The following ARHGAP31 variants were observed in gnomAD, a reference collection of about 807,000 sequenced individuals.
ARHGAP31 encodes rho GTPase-activating protein 31.
Under a neutral mutation model 113.9 loss-of-function variants are expected in ARHGAP31, and 34 were observed. The observed-to-expected ratio is 0.30, with a 90% CI of 0.23 to 0.40. The LOEUF (loss-of-function observed/expected upper bound fraction) is 0.40. Among genes scored for constraint, ARHGAP31 ranks in the 10% least tolerant of loss-of-function variants. The pLI, the probability that ARHGAP31 is intolerant of heterozygous loss-of-function variation, is 1.00. For missense variants in ARHGAP31, 1,548 were observed against 1,767.1 expected, an observed-to-expected ratio of 0.88 and a Z score of 2.22; for synonymous variants, 650 against 684.8, an observed-to-expected ratio of 0.95 and a Z score of 0.79.
intron 2 of ARHGAP31, among the ~76,000 whole-genome samples, chr3:119,366,395 G>A (rs1220673711): frequency 1.3e-5 from 2 of 151,238 alleles, no homozygotes; most frequent in African/African-American, 4.9e-5. Flanking sequence ...GATTTGGATT[G>A]TAATTAAATT....
intron 1 of ARHGAP31, among the ~76,000 whole-genome samples, chr3:119,332,208 G>GTT (rs199879826): frequency 1.3e-5 from 2 of 150,790 alleles, no homozygotes; most frequent in African/African-American, 4.9e-5. Flanking sequence ...CTTGTTTTTT[G>GTT]TTTTTTTTGA....
chr3:119,328,713 T>C (rs1350456182), intron 1 of ARHGAP31, among the ~76,000 whole-genome samples: 1 of 152,122 alleles, frequency 6.6e-6, no homozygotes, highest in Non-Finnish European at 1.5e-5. Flanking sequence ...CGATCTTGGC[T>C]CACTGCAACC....
At chr3:119,398,756 T>C (rs2080574004) in intron 8 of ARHGAP31, among the ~76,000 whole-genome samples, 1 of 152,202 alleles carries the variant, frequency 6.6e-6, no homozygotes, top group South Asian at 2.1e-4. Context: ...CCAATTCCCT[T>C]GGGCCCTCTC....
chr3:119,381,389 A>G (rs936766359), intron 4 of ARHGAP31, among the ~76,000 whole-genome samples: 1 of 152,250 alleles, frequency 6.6e-6, no homozygotes, highest in South Asian at 2.1e-4. Context: ...GCTCATTAGT[A>G]CCATCCCTAC....
chr3:119,401,897 C>T lies in ARHGAP31; in HGVS notation c.1145C>T (p.Ser382Phe), dbSNP rs370215363. ...GFFIPATKMH[S>F]TGTGSSCDLT... is the part of the protein sequence containing the mutation. ...TTCATTCCAGCAACAAAGATGCACTCCACCGGCACCGGCAGCTCATGTGAC... is the reference window on the plus strand; with the variant it reads ...TTCATTCCAGCAACAAAGATGCACTTCACCGGCACCGGCAGCTCATGTGAC... Residue 382 changes from serine (S) to phenylalanine (F), a missense_variant, in exon 10 of 12, where the codon TCC becomes TTC. By Grantham distance (155) the Ser-to-Phe change is radical (BLOSUM62 -2). Coordinates refer to ENST00000264245, the MANE Select transcript of ARHGAP31 (RefSeq NM_020754.4). The T allele has an allele frequency of 1.0e-4, 169 of 1,614,128 alleles. 1 individual carries two copies. In the Admixed American group the frequency reaches 1.9e-3, roughly 18 times the overall value.
In ARHGAP31 at chr3:119,409,681, G is replaced by A. The variant is rs763292963; in HGVS notation, c.1831G>A (p.Val611Met). The change falls in exon 11 of 12, where the codon GTG becomes ATG. Residue 611 changes from valine to methionine, a missense_variant. Coordinates refer to ENST00000264245, the MANE Select transcript of ARHGAP31 (RefSeq NM_020754.4). The part of the protein sequence containing the change: ...ELEKRPNPEK[V>M]VEEGREAGEM... ...AGAGAAGAGGCCAAATCCGGAGAAG[G>A]TGGTGGAGGAGGGACGAGAGGCTGG... 1 of 1,611,796 alleles carries A rather than the reference G, an allele frequency of 6.2e-7. No individual in the cohort carries two copies. Among genetic ancestry groups the A allele is most frequent in the Non-Finnish European group, 8.5e-7 (1 of 1,178,914 alleles).
At chr3:119,411,283 A>T (rs2080714419) in intron 11 of ARHGAP31, among the ~76,000 whole-genome samples, 1 of 152,150 alleles carries the variant, frequency 6.6e-6, no homozygotes. Context: ...TGGCTTGAAG[A>T]AAGGAGGCAC....
In ARHGAP31 at chr3:119,416,187, A is replaced by C; in HGVS notation, c.4258A>C (p.Thr1420Pro). The C allele has an allele frequency of 1.9e-6, 3 of 1,614,166 alleles. No homozygotes were observed. The highest frequency in any genetic ancestry group is 2.5e-6 in the Non-Finnish European group (3 of 1,180,032). ...TIPKNGQRLE[T>P]STSCFYQPQR... ...CCCTAAGAATGGCCAGAGACTAGAG[A>C]CCTCAACCAGCTGTTTTTACCAGCC... The change falls in exon 12 of 12, where the codon ACC (threonine) becomes CCC (proline). Residue 1420 changes from threonine to proline, a missense_variant. Transcript: ENST00000264245.
chr3:119,405,141 C>A (rs1439428716), intron 10 of ARHGAP31, among the ~76,000 whole-genome samples: 1 of 152,114 alleles, frequency 6.6e-6, no homozygotes, highest in East Asian at 1.9e-4. Context: ...TATTTTAGTG[C>A]ATCTGAAATA....
In ARHGAP31 at chr3:119,303,036, C is replaced by T. The variant is rs6769740; in HGVS notation, c.100+8032C>T. 9.5e-3 allele frequency among the ~76,000 whole-genome samples: 1,451 copies of T among 152,350 alleles called. 16 individuals are homozygous for T. Among genetic ancestry groups the T allele is most frequent in the Non-Finnish European group, 0.014 (961 of 68,032 alleles). ...TCTTCTTCACCTCTTGGAATACCCACTGCCTTAGGGTCAGGTGTACCCAAT... is the reference window on the plus strand; with the variant it reads ...TCTTCTTCACCTCTTGGAATACCCATTGCCTTAGGGTCAGGTGTACCCAAT... On this transcript the variant is annotated intron_variant, in intron 1 of 11. Transcript: ENST00000264245.
At chr3:119,372,223 C>G (rs1341590318) in intron 3 of ARHGAP31, among the ~76,000 whole-genome samples, 1 of 151,590 alleles carries the variant, frequency 6.6e-6, no homozygotes, top group Non-Finnish European at 1.5e-5. Flanking sequence ...ACACTCCCAA[C>G]AGTGTATGTA....
intron 1 of ARHGAP31, among the ~76,000 whole-genome samples, chr3:119,330,394 C>T (rs933955397): frequency 1.3e-5 from 2 of 152,114 alleles, no homozygotes; most frequent in South Asian, 2.1e-4. Context: ...TCCCATGACC[C>T]GATGGTCTGT....
chr3:119,358,150 T>A (rs999593576), intron 1 of ARHGAP31, among the ~76,000 whole-genome samples: 2 of 152,070 alleles, frequency 1.3e-5, no homozygotes, highest in Non-Finnish European at 2.9e-5. Flanking sequence ...TCAGAATATA[T>A]AAAGAAATCA....
intron 10 of ARHGAP31, among the ~76,000 whole-genome samples, chr3:119,407,633 C>T (rs2080675759): frequency 6.6e-6 from 1 of 152,116 alleles, no homozygotes; most frequent in Non-Finnish European, 1.5e-5. Context: ...GTGGAACAAA[C>T]CAGAAGCAAC....
rs10575145 is a variant in ARHGAP31, at chr3:119,297,909, A to AACACACACACACACACACAC, written c.100+2922_100+2941dup. On this transcript the variant is annotated intron_variant, in intron 1 of 11. Transcript: ENST00000264245. Reference sequence around the variant, plus strand: ...GAGAAACAGAAACCCTTTCCTTAGAAACACACACACACACACACACACACA... The same window carrying AACACACACACACACACACAC: ...GAGAAACAGAAACCCTTTCCTTAGAAACACACACACACACACACACACACACACACACACACACACACACA... Among the ~76,000 whole-genome samples, 575 of 142,750 alleles carry AACACACACACACACACACAC rather than the reference A, an allele frequency of 4.0e-3. 5 individuals carry two copies. The highest frequency in any genetic ancestry group is 0.014 in the African/African-American group (542 of 38,332). The allele number at this position is 142,750 out of a possible 152,430, so 93.6% of individuals were successfully genotyped here. A position where few individuals can be genotyped will look rare whatever the true frequency, so the allele number is the denominator to read the frequency against.
At chr3:119,300,872 A>AAG (rs1341987953) in intron 1 of ARHGAP31, among the ~76,000 whole-genome samples, 1 of 147,252 alleles carries the variant, frequency 6.8e-6, no homozygotes, top group Non-Finnish European at 1.5e-5. Flanking sequence ...GAAAGAAAGA[A>AAG]AGACACAGCC....
intron 1 of ARHGAP31, among the ~76,000 whole-genome samples, chr3:119,317,760 G>A (rs2079746613): frequency 6.6e-6 from 1 of 152,152 alleles, no homozygotes; most frequent in Non-Finnish European, 1.5e-5. Context: ...AAAGTACAAG[G>A]TAATTTAGAA....
intron 6 of ARHGAP31, among the ~76,000 whole-genome samples, chr3:119,387,528 G>A (rs1033896460): frequency 5.3e-5 from 8 of 152,262 alleles, no homozygotes; most frequent in African/African-American, 1.9e-4. Flanking sequence ...CGGTGCCTGG[G>A]TGGCTTGCCG....
intron 8 of ARHGAP31, 85 bp downstream of exon 8, chr3:119,393,676 CA>C: frequency 1.3e-6 from 2 of 1,512,308 alleles, no homozygotes; most frequent in Non-Finnish European, 1.8e-6. Context: ...TCATATCAAA[CA>C]CACTAGCTCT....
Sources: gnomAD v4.1 joint callset for allele counts (sites outside exome capture counted in the v4.1 genomes callset) on GRCh38, gnomAD v4.1.1 for gene constraint, MANE v1.5 for transcripts, NCBI Gene and HGNC (gene_info 2026-07-23, HGNC 2026-07-21) for gene names.